Variants in THEMIS observed in about 807,000 individuals in gnomAD.
THEMIS encodes protein THEMIS.
In THEMIS, 37 loss-of-function variants were observed where a neutral mutation model predicts 52.6. The ratio of observed to expected loss-of-function variants is 0.70; its 90% CI spans 0.54 to 0.93. THEMIS has a LOEUF of 0.93. Among genes scored for constraint, THEMIS ranks in the 40% least tolerant of loss-of-function variants. The pLI is 0.00. For missense variants in THEMIS, 808 were observed against 763.1 expected (o/e 1.06, Z -0.69); for synonymous variants, 292 against 272.7 (o/e 1.07, Z -0.70).
intron 1 of THEMIS, among the ~76,000 whole-genome samples, chr6:127,859,314 T>C (rs1162232241): frequency 1.3e-5 from 2 of 152,168 alleles, no homozygotes; most frequent in African/African-American, 4.8e-5. Flanking sequence ...AAGTAAGAAT[T>C]AATTCTCTCC....
intron 4 of THEMIS, among the ~76,000 whole-genome samples, chr6:127,779,227 GC>G (rs1242581471): frequency 6.6e-6 from 1 of 152,082 alleles, no homozygotes; most frequent in African/African-American, 2.4e-5. Flanking sequence ...GGAATTAAAA[GC>G]CCTTCTCCCT....
chr6:127,724,558 T>C (rs935567902), intron 4 of THEMIS, among the ~76,000 whole-genome samples: 1 of 152,132 alleles, frequency 6.6e-6, no homozygotes, highest in Non-Finnish European at 1.5e-5. Context: ...CTGCCATGCA[T>C]CAGTCCTCTG....
intron 4 of THEMIS, among the ~76,000 whole-genome samples, chr6:127,776,394 C>T (rs1776565837): frequency 6.6e-6 from 1 of 152,186 alleles, no homozygotes; most frequent in African/African-American, 2.4e-5. Context: ...GTCTTAGATA[C>T]TCTTTCTTGG....
At chr6:127,847,091 T>C (rs919052981) in intron 2 of THEMIS, among the ~76,000 whole-genome samples, 1 of 151,968 alleles carries the variant, frequency 6.6e-6, no homozygotes, top group Non-Finnish European at 1.5e-5. Context: ...CATCTCTTTA[T>C]GATAGAAACG....
At chr6:127,706,855 C>T (rs1206734744), downstream of THEMIS, among the ~76,000 whole-genome samples, 2 of 151,972 alleles carry the variant, frequency 1.3e-5, no homozygotes, top group African/African-American at 4.8e-5. Context: ...ATGCAAAGGC[C>T]TCAGGGTAGG....
intron 4 of THEMIS, among the ~76,000 whole-genome samples, chr6:127,735,829 A>G (rs12194548): frequency 0.15 from 23,537 of 152,228 alleles, 1,936 homozygotes; most frequent in African/African-American, 0.21. Flanking sequence ...TTATTTAATG[A>G]TGATCAATGA....
chr6:127,824,813 T>A (rs975702413), intron 3 of THEMIS, among the ~76,000 whole-genome samples: 4 of 152,148 alleles, frequency 2.6e-5, no homozygotes, highest in Admixed American at 2.6e-4. Flanking sequence ...TAGTCCCAGC[T>A]ACTTGACAGG....
chr6:127,744,812 G>C (rs1191961243), intron 4 of THEMIS, among the ~76,000 whole-genome samples: 1 of 151,580 alleles, frequency 6.6e-6, no homozygotes, highest in Non-Finnish European at 1.5e-5. Flanking sequence ...TAAAAGGGTA[G>C]ATCCCATGTC....
chr6:127,744,133 T>C (rs967173565), intron 4 of THEMIS, among the ~76,000 whole-genome samples: 1 of 152,076 alleles, frequency 6.6e-6, no homozygotes, highest in Non-Finnish European at 1.5e-5. Context: ...TCTTCAACTG[T>C]CTTTATTGGG....
chr6:127,704,389 G>A (rs931855583), downstream of THEMIS, among the ~76,000 whole-genome samples: 1 of 152,100 alleles, frequency 6.6e-6, no homozygotes, highest in Non-Finnish European at 1.5e-5. Flanking sequence ...AAGATCTGTG[G>A]TACTATGGGT....
At chr6:127,736,213 T>A (rs1398445508) in intron 4 of THEMIS, among the ~76,000 whole-genome samples, 1 of 152,196 alleles carries the variant, frequency 6.6e-6, no homozygotes, top group Non-Finnish European at 1.5e-5. Flanking sequence ...TGTTTAAAAT[T>A]GTATATTTAG....
At chr6:127,735,255 A>C (rs1361333624) in intron 4 of THEMIS, among the ~76,000 whole-genome samples, 1 of 151,940 alleles carries the variant, frequency 6.6e-6, no homozygotes. Flanking sequence ...AACCTTTGTA[A>C]CTTGCTCTCA....
intron 1 of THEMIS, among the ~76,000 whole-genome samples, chr6:127,876,695 T>C (rs1285527591): frequency 3.3e-5 from 5 of 152,152 alleles, no homozygotes; most frequent in Non-Finnish European, 7.4e-5. Context: ...CAACTTAGAA[T>C]AGCATATGGA....
chr6:127,749,927 A>C (rs772993268), intron 4 of THEMIS, among the ~76,000 whole-genome samples: 4 of 150,430 alleles, frequency 2.7e-5, no homozygotes, highest in Non-Finnish European at 5.9e-5. Context: ...ATTAATAGAC[A>C]GGCACTTTGC....
At position 127,728,116 on chromosome 6, in the gene THEMIS, C is replaced by T. The variant is rs866734375; in HGVS notation, c.1759-8293G>A. ...TGACATCAACAGACCTTAATATTCA[C>T]ACCACTGTTGAACTTCTTTTTAGTC... is the stretch of plus-strand genomic sequence containing the variant. On this transcript the variant is annotated intron_variant, in intron 4 of 5. Coordinates refer to ENST00000368248, the MANE Select transcript of THEMIS (RefSeq NM_001010923.3). 4.1e-4 allele frequency among the ~76,000 whole-genome samples: 62 copies of T among 152,142 alleles called. 1 individual carries two copies. The highest frequency in any genetic ancestry group is 1.5e-3 in the African/African-American group (61 of 41,438).
At chr6:127,846,757 G>A (rs998429541) in intron 2 of THEMIS, among the ~76,000 whole-genome samples, 2 of 151,510 alleles carry the variant, frequency 1.3e-5, no homozygotes, top group African/African-American at 4.8e-5. Flanking sequence ...CAAAAAAATA[G>A]AGAAACATAG....
chr6:127,773,329 A>G (rs1170357826), intron 4 of THEMIS, among the ~76,000 whole-genome samples: 9 of 152,224 alleles, frequency 5.9e-5, no homozygotes. Flanking sequence ...AGCATGGCTA[A>G]TATGCCAAAT....
chr6:127,722,882 T>C (rs962508378), intron 4 of THEMIS, among the ~76,000 whole-genome samples: 10 of 152,042 alleles, frequency 6.6e-5, no homozygotes, highest in African/African-American at 2.4e-4. Flanking sequence ...TCTTGGACAA[T>C]ATCCATATCT....
At position 127,739,689 on chromosome 6, in the gene THEMIS, G is replaced by A. The variant is rs542493058; in HGVS notation, c.1759-19866C>T. ...AAAGAAATTATTTCCAGCTGCCTTTGAGGGCTCAGAATAAATGAAGAACCA... is the reference window on the plus strand; with the variant it reads ...AAAGAAATTATTTCCAGCTGCCTTTAAGGGCTCAGAATAAATGAAGAACCA... On this transcript the variant is annotated intron_variant, in intron 4 of 5. Coordinates refer to ENST00000368248, the MANE Select transcript of THEMIS (RefSeq NM_001010923.3). Among the ~76,000 whole-genome samples the A allele has an allele frequency of 7.2e-5, 11 of 152,246 alleles. No homozygotes were observed. The South Asian group carries it at 2.3e-3, about 32-fold the overall frequency.
Sources: gnomAD v4.1 joint callset for allele counts (sites outside exome capture counted in the v4.1 genomes callset) on GRCh38, gnomAD v4.1.1 for gene constraint, MANE v1.5 for transcripts, NCBI Gene and HGNC (gene_info 2026-07-23, HGNC 2026-07-21) for gene names.